NRG1: variants seen among roughly 807,000 people sequenced by gnomAD.
NRG1 encodes neuregulin 1.
Under a neutral mutation model 63.8 loss-of-function variants are expected in NRG1, and 18 were observed. The observed-to-expected ratio is 0.28, with a 90% confidence interval of 0.19 to 0.42. The LOEUF (loss-of-function observed/expected upper bound fraction) is 0.42. NRG1 is among the 10% of genes least tolerant of loss of function. NRG1 has a pLI of 1.00. For synonymous variants in NRG1, 302 were observed against 301.3 expected (o/e 1.00, Z -0.02); for missense variants, 762 against 814.7 (o/e 0.94, Z 0.79).
chr8:32,460,246 T>G (rs565692218), intron 1 of NRG1, among the ~76,000 whole-genome samples: 11 of 152,354 alleles, frequency 7.2e-5, no homozygotes, highest in Non-Finnish European at 1.0e-4. Context: ...TTCTTGTGTG[T>G]GCTAATTAAT....
At chr8:31,639,954 G>C (rs760004636) in intron 1 of NRG1, 5 of 1,124,086 alleles carry the variant, frequency 4.4e-6, no homozygotes, top group Non-Finnish European at 5.4e-6. Context: ...AGTCCGAACC[G>C]ACAGCCAGAA....
At chr8:31,783,360 C>A (rs188912080) in intron 1 of NRG1, among the ~76,000 whole-genome samples, 5 of 152,224 alleles carry the variant, frequency 3.3e-5, no homozygotes, top group Non-Finnish European at 1.5e-5. Context: ...TTAAAGTTAA[C>A]ATTTGCTGGA....
At chr8:32,196,940 A>ATTTTTTTTTT (rs1458233142) in intron 1 of NRG1, among the ~76,000 whole-genome samples, 1 of 33,994 alleles carries the variant, frequency 2.9e-5, no homozygotes. Flanking sequence ...TTCTCAGAAC[A>ATTTTTTTTTT]TTCTTTTTTT....
At chr8:32,000,376 T>C (rs1038813368) in intron 1 of NRG1, among the ~76,000 whole-genome samples, 5 of 151,906 alleles carry the variant, frequency 3.3e-5, no homozygotes, top group Non-Finnish European at 7.4e-5. Flanking sequence ...CTTGTTCTTT[T>C]TTTTTAAAAG....
intron 6 of NRG1, chr8:32,728,723 T>A: frequency 1.1e-6 from 1 of 881,642 alleles, no homozygotes; most frequent in East Asian, 1.2e-4. Flanking sequence ...ATATCTAGAA[T>A]AGCACTGTCT....
intron 1 of NRG1, among the ~76,000 whole-genome samples, chr8:32,233,745 A>T (rs1281744019): frequency 1.3e-5 from 2 of 151,526 alleles, no homozygotes; most frequent in Non-Finnish European, 2.9e-5. Context: ...TCATATTTTT[A>T]GTAGAGATAG....
At chr8:32,402,764 T>A (rs1400490770) in intron 1 of NRG1, among the ~76,000 whole-genome samples, 1 of 152,130 alleles carries the variant, frequency 6.6e-6, no homozygotes, top group Non-Finnish European at 1.5e-5. Context: ...AGAAAAACAT[T>A]GAATGCTGAA....
At chr8:31,810,885 G>A (rs1271288027) in intron 1 of NRG1, among the ~76,000 whole-genome samples, 1 of 152,158 alleles carries the variant, frequency 6.6e-6, no homozygotes, top group Non-Finnish European at 1.5e-5. Context: ...GTTACATGAG[G>A]CTATATATCA....
At chr8:32,043,195 A>G (rs1046771950) in intron 1 of NRG1, among the ~76,000 whole-genome samples, 1 of 152,156 alleles carries the variant, frequency 6.6e-6, no homozygotes, top group African/African-American at 2.4e-5. Flanking sequence ...AAAGCCTGAA[A>G]AAAAATGATA....
intron 1 of NRG1, among the ~76,000 whole-genome samples, chr8:32,034,136 T>C (rs1818683234): frequency 6.6e-6 from 1 of 152,142 alleles, no homozygotes; most frequent in Non-Finnish European, 1.5e-5. Flanking sequence ...CAAAACCTAG[T>C]TTATTGAGAG....
chr8:31,777,607 T>C (rs966120700), intron 1 of NRG1, among the ~76,000 whole-genome samples: 34 of 152,340 alleles, frequency 2.2e-4, no homozygotes, highest in African/African-American at 7.7e-4. Context: ...CTGGGTAATT[T>C]ATAAAGAAAA....
chr8:32,093,228 T>C (rs1217910108), intron 1 of NRG1, among the ~76,000 whole-genome samples: 1 of 152,084 alleles, frequency 6.6e-6, no homozygotes, highest in Non-Finnish European at 1.5e-5. Context: ...CAAAGTTTAA[T>C]GGATTTAGGG....
intron 1 of NRG1, among the ~76,000 whole-genome samples, chr8:31,697,529 C>G (rs1348185910): frequency 6.6e-6 from 1 of 152,150 alleles, no homozygotes; most frequent in Non-Finnish European, 1.5e-5. Context: ...CTTGAAAGAA[C>G]ATATATAATA....
At chr8:32,229,727 A>C (rs1198159317) in intron 1 of NRG1, among the ~76,000 whole-genome samples, 3 of 152,204 alleles carry the variant, frequency 2.0e-5, no homozygotes, top group Non-Finnish European at 4.4e-5. Flanking sequence ...CCCTTTGCTA[A>C]CAAGACAGGA....
chr8:31,874,256 C>G (rs183813567), intron 1 of NRG1, among the ~76,000 whole-genome samples: 4 of 152,228 alleles, frequency 2.6e-5, no homozygotes, highest in Admixed American at 2.6e-4. Context: ...CAAAAGCATG[C>G]CATAAATAAG....
At chr8:32,055,948 ATATTG>A (rs1358890828) in intron 1 of NRG1, among the ~76,000 whole-genome samples, 1 of 152,196 alleles carries the variant, frequency 6.6e-6, no homozygotes, top group Non-Finnish European at 1.5e-5. Context: ...CATAGTTCAC[ATATTG>A]TATTAAATAC....
chr8:32,288,839 C>T (rs187811834), intron 1 of NRG1, among the ~76,000 whole-genome samples: 1 of 152,122 alleles, frequency 6.6e-6, no homozygotes, highest in African/African-American at 2.4e-5. Context: ...AAATGTGACT[C>T]GTTTCTTTTC....
intron 1 of NRG1, among the ~76,000 whole-genome samples, chr8:31,733,354 C>G (rs1457354336): frequency 6.6e-6 from 1 of 152,086 alleles, no homozygotes; most frequent in East Asian, 1.9e-4. Flanking sequence ...AGTGCAGGAT[C>G]AAATGGTAGT....
chr8:31,830,631 C>T (rs1422851631), intron 1 of NRG1, among the ~76,000 whole-genome samples: 2 of 152,040 alleles, frequency 1.3e-5, no homozygotes, highest in South Asian at 4.1e-4. Context: ...AGTTTCCTGG[C>T]CTTGGCTCTA....
Sources: gnomAD v4.1 joint callset for allele counts (sites outside exome capture counted in the v4.1 genomes callset) on GRCh38, gnomAD v4.1.1 for gene constraint, MANE v1.5 for transcripts, NCBI Gene and HGNC (gene_info 2026-07-23, HGNC 2026-07-21) for gene names.